Variants in METTL21A observed in about 807,000 individuals in gnomAD.
The protein encoded by METTL21A is protein N-lysine methyltransferase METTL21A.
Under a neutral mutation model 20.9 loss-of-function variants are expected in METTL21A, and 22 were observed. The observed-to-expected ratio is 1.05, with a 90% CI of 0.75 to 1.50. METTL21A has a LOEUF of 1.50. Ranked by LOEUF, METTL21A falls within the 40% of genes most tolerant of loss-of-function variation. The pLI, the probability that METTL21A is intolerant of heterozygous loss-of-function variation, is 0.00. For synonymous variants in METTL21A, 93 were observed against 102.0 expected (o/e 0.91, Z 0.53); for missense variants, 271 against 266.8 (o/e 1.02, Z -0.11).
chr2:207,618,238 T>G (rs2090027849), intron 3 of METTL21A, among the ~76,000 whole-genome samples: 1 of 152,146 alleles, frequency 6.6e-6, no homozygotes, highest in African/African-American at 2.4e-5. Flanking sequence ...ATCTTCAAGA[T>G]GGGGTGTTTT....
At chr2:207,584,434 T>G (rs548094472) in intron 3 of METTL21A, among the ~76,000 whole-genome samples, 1 of 152,262 alleles carries the variant, frequency 6.6e-6, no homozygotes, top group Admixed American at 6.5e-5. Context: ...AGTCTCCCTC[T>G]GTCATGTCAC....
At chr2:207,590,343 A>G (rs1234697515) in intron 3 of METTL21A, among the ~76,000 whole-genome samples, 1 of 150,840 alleles carries the variant, frequency 6.6e-6, no homozygotes, top group Non-Finnish European at 1.5e-5. Context: ...CCCCTACCCC[A>G]GCCACCCTCC....
intron 3 of METTL21A, chr2:207,601,543 T>C (rs1449688539): frequency 1.5e-5 from 3 of 198,976 alleles, no homozygotes; most frequent in Non-Finnish European, 3.1e-5. Context: ...ATAACTCAAG[T>C]GCATAATATT....
At chr2:207,613,318 A>G in exon 4 of METTL21A, 1 of 1,614,102 alleles carries the variant, frequency 6.2e-7, no homozygotes, top group Non-Finnish European at 8.5e-7. Context: ...AAACTCCCCA[A>G]ATTTTGTCCC....
At chr2:207,605,131 T>C (rs1048898888), downstream of METTL21A, among the ~76,000 whole-genome samples, 3 of 152,192 alleles carry the variant, frequency 2.0e-5, no homozygotes, top group Non-Finnish European at 4.4e-5. Flanking sequence ...CATTTAACTT[T>C]TTGAGGAACT....
chr2:207,620,959 C>T lies in METTL21A; in HGVS notation c.259+847G>A, dbSNP rs559484764. On this transcript the variant is annotated intron_variant, in intron 3 of 3. Coordinates refer to ENST00000406927, the Ensembl canonical transcript of METTL21A. ...AGTGTAGTCTGAGAACCAGCAGTGTCGGCATCACTACTGACATTTCTACTG... is the reference window on the plus strand; with the variant it reads ...AGTGTAGTCTGAGAACCAGCAGTGTTGGCATCACTACTGACATTTCTACTG... Among the ~76,000 whole-genome samples, 230 of 152,256 alleles carry T rather than the reference C, an allele frequency of 1.5e-3. 1 individual carries two copies. Among genetic ancestry groups the T allele is most frequent in the African/African-American group, 5.4e-3 (225 of 41,556 alleles).
Position 207,593,980 on chromosome 2 carries a change from A to G in METTL21A, c.260-11820T>C, listed in dbSNP as rs537129525. Among the ~76,000 whole-genome samples, 242 of 152,122 alleles carry G rather than the reference A, an allele frequency of 1.6e-3. 1 individual carries two copies. The highest frequency in any genetic ancestry group is 5.7e-3 in the African/African-American group (236 of 41,526). On this transcript the variant is annotated intron_variant, in intron 3 of 3. Coordinates refer to the METTL21A transcript ENST00000425132. ...GTGATCTGCCTGCCTCAGCCTCCCA[A>G]AGCGCTGGGACCTGGGATTACAGGG...
At chr2:207,604,971 T>G (rs1340793127), downstream of METTL21A, among the ~76,000 whole-genome samples, 1 of 152,246 alleles carries the variant, frequency 6.6e-6, no homozygotes, top group East Asian at 1.9e-4. Flanking sequence ...ACCACAAGTT[T>G]ATCGATTCAT....
intron 3 of METTL21A, among the ~76,000 whole-genome samples, chr2:207,595,963 G>A (rs542309904): frequency 6.6e-6 from 1 of 152,150 alleles, no homozygotes; most frequent in South Asian, 2.1e-4. Context: ...CTTTCGATGT[G>A]CAGAAGTTTT....
chr2:207,618,715 A>G (rs903553638), intron 3 of METTL21A, among the ~76,000 whole-genome samples: 2 of 152,124 alleles, frequency 1.3e-5, no homozygotes, highest in Admixed American at 6.5e-5. Context: ...CTCAAAAACA[A>G]CAACAACAAC....
Position 207,598,900 on chromosome 2 carries a change from G to A in METTL21A, c.260-16740C>T, listed in dbSNP as rs79736988. Reference sequence around the variant, plus strand: ...GAAATTCCTTTTAAAAAAGAGTTGAGACACTTAGAAAACTAATGTTTTATA... The same window carrying A: ...GAAATTCCTTTTAAAAAAGAGTTGAAACACTTAGAAAACTAATGTTTTATA... On this transcript the variant is annotated intron_variant, in intron 3 of 3. Coordinates refer to the METTL21A transcript ENST00000425132. 5.8e-3 allele frequency: 1,030 copies of A among 179,006 alleles called. 13 individuals are homozygous for A. The highest frequency in any genetic ancestry group is 0.023 in the African/African-American group (977 of 42,430). 11.1% of individuals were successfully genotyped at this position (179,006 alleles called of 1,614,324 possible).
intron 3 of METTL21A, among the ~76,000 whole-genome samples, chr2:207,587,887 A>G (rs2084181792): frequency 6.6e-6 from 1 of 152,212 alleles, no homozygotes; most frequent in African/African-American, 2.4e-5. Context: ...CTGTAGCACC[A>G]TAGGGTGAAT....
intron 3 of METTL21A, among the ~76,000 whole-genome samples, chr2:207,590,302 T>G (rs2084770141): frequency 6.6e-6 from 1 of 151,904 alleles, no homozygotes; most frequent in Non-Finnish European, 1.5e-5. Context: ...TATTGTTAAT[T>G]TTTGTCTTTC....
At chr2:207,607,117 G>C (rs187442418), downstream of METTL21A, among the ~76,000 whole-genome samples, 1 of 152,180 alleles carries the variant, frequency 6.6e-6, no homozygotes, top group East Asian at 1.9e-4. Context: ...GGTCGGGCCT[G>C]GTGGCTCACA....
downstream of METTL21A, among the ~76,000 whole-genome samples, chr2:207,607,769 A>G (rs113648475): frequency 6.6e-6 from 1 of 150,436 alleles, no homozygotes; most frequent in African/African-American, 2.5e-5. Flanking sequence ...ATTTAACTGC[A>G]TAACTTTAAA....
At chr2:207,621,908 G>C in exon 3 of METTL21A, 1 of 1,613,468 alleles carries the variant, frequency 6.2e-7, no homozygotes, top group African/African-American at 1.3e-5. Flanking sequence ...TATGTGGAAA[G>C]AACGATGGCC....
At chr2:207,620,794 A>G (rs1424619271) in intron 3 of METTL21A, 1 of 1,108,706 alleles carries the variant, frequency 9.0e-7, no homozygotes, top group East Asian at 2.7e-5. Flanking sequence ...GCAGCAGCTA[A>G]GCAGAAAAAG....
At chr2:207,620,310 G>A (rs2090337240) in intron 3 of METTL21A, among the ~76,000 whole-genome samples, 1 of 152,146 alleles carries the variant, frequency 6.6e-6, no homozygotes, top group East Asian at 1.9e-4. Flanking sequence ...GGGCGTGGTG[G>A]CACATGCCTG....
At chr2:207,603,463 A>G (rs975104061) in intron 3 of METTL21A, 1 of 224,568 alleles carries the variant, frequency 4.5e-6, no homozygotes, top group Non-Finnish European at 8.9e-6. Flanking sequence ...TGGGATCTCT[A>G]TATTTTGTTG....
Sources: allele counts gnomAD v4.1 joint callset (sites outside exome capture counted in the v4.1 genomes callset), GRCh38; gene constraint gnomAD v4.1.1; transcripts MANE v1.5; gene names NCBI Gene and HGNC (gene_info 2026-07-23, HGNC 2026-07-21).